EFCAB8: variants seen among roughly 807,000 people sequenced by gnomAD.
EFCAB8 encodes EF-hand calcium-binding domain-containing protein 8.
EFCAB8 carries 100 observed loss-of-function variants against 116.3 expected under a neutral mutation model. The ratio of observed to expected loss-of-function variants is 0.86; its 90% confidence interval spans 0.73 to 1.02. EFCAB8 has a LOEUF of 1.02. Among genes scored for constraint, EFCAB8 ranks in the 50% least tolerant of loss-of-function variants. EFCAB8 has a pLI of 0.00. For synonymous variants in EFCAB8, 558 were observed against 567.9 expected (o/e 0.98, Z 0.25); for missense variants, 1,320 against 1,416.9 (o/e 0.93, Z 1.10).
At chr20:32,934,149 T>C (rs1055867512) in intron 22 of EFCAB8, among the ~76,000 whole-genome samples, 1 of 152,172 alleles carries the variant, frequency 6.6e-6, no homozygotes, top group Non-Finnish European at 1.5e-5. Flanking sequence ...CAGCCCTTTC[T>C]ACTTCTATGA....
chr20:32,895,089 C>T (rs545331761), intron 9 of EFCAB8, among the ~76,000 whole-genome samples: 13 of 152,306 alleles, frequency 8.5e-5, no homozygotes, highest in African/African-American at 3.1e-4. Context: ...CTAGACTGCC[C>T]CAGCATTTGT....
Position 32,864,222 on chromosome 20 carries a change from G to A in EFCAB8, c.42+388G>A, listed in dbSNP as rs1274201256. Among the ~76,000 whole-genome samples, 7 of 150,894 alleles carry A rather than the reference G, an allele frequency of 4.6e-5. No individual in the cohort carries two copies. The South Asian group carries it at 1.1e-3, about 23-fold the overall frequency. On this transcript the variant is annotated intron_variant, in intron 2 of 26. Coordinates refer to ENST00000400522, the MANE Select transcript of EFCAB8 (RefSeq NM_001143967.2). ...AAACTCCTGACCTCATGATCTGCCC[G>A]CCTCAGCCTCCCAAAGTGCTGGGAC...
rs566497398 is a variant in EFCAB8 at position 32,905,705 on chromosome 20, A to C, written c.1089-857A>C. ...AACCTGGGAGGTGGAGGTTGCAGTGAGCCAAGATCGCACCACTGCACTCCA... is the reference window on the plus strand; with the variant it reads ...AACCTGGGAGGTGGAGGTTGCAGTGCGCCAAGATCGCACCACTGCACTCCA... On this transcript the variant is annotated intron_variant, in intron 11 of 26. Coordinates refer to ENST00000400522, the MANE Select transcript of EFCAB8 (RefSeq NM_001143967.2). 2.2e-4 allele frequency among the ~76,000 whole-genome samples: 31 copies of C among 144,168 alleles called. 2 individuals carry two copies. The East Asian group carries it at 5.3e-3, about 25-fold the overall frequency. 94.6% of individuals were successfully genotyped at this position (144,168 alleles called of 152,430 possible). A position where few individuals can be genotyped will look rare whatever the true frequency, so the allele number is the denominator to read the frequency against.
chr20:32,860,706 A>T (rs558467494), intron 1 of EFCAB8, among the ~76,000 whole-genome samples: 1 of 151,746 alleles, frequency 6.6e-6, no homozygotes, highest in African/African-American at 2.4e-5. Context: ...TTGGCATCAT[A>T]GTGTGCACCC....
At chr20:32,902,891 G>A (rs995214123) in intron 11 of EFCAB8, among the ~76,000 whole-genome samples, 1 of 152,176 alleles carries the variant, frequency 6.6e-6, no homozygotes, top group Non-Finnish European at 1.5e-5. Flanking sequence ...TGTGGTAGCA[G>A]GAGCCGGTGC....
intron 9 of EFCAB8, among the ~76,000 whole-genome samples, chr20:32,896,045 T>C (rs1986144214): frequency 6.6e-6 from 1 of 152,206 alleles, no homozygotes; most frequent in Non-Finnish European, 1.5e-5. Context: ...TGCATGTAGT[T>C]TGAGGCATGA....
chr20:32,934,897 G>A (rs1988043142), intron 22 of EFCAB8, among the ~76,000 whole-genome samples: 2 of 152,112 alleles, frequency 1.3e-5, no homozygotes, highest in Admixed American at 1.3e-4. Context: ...TTAGCAGCAT[G>A]AGAACAGACC....
At chr20:32,916,777 T>TG (rs1412089096) in intron 17 of EFCAB8, among the ~76,000 whole-genome samples, 1 of 152,104 alleles carries the variant, frequency 6.6e-6, no homozygotes, top group Non-Finnish European at 1.5e-5. Flanking sequence ...TTCAGTGCTG[T>TG]GAAAAAAAAG....
At chr20:32,950,001 AAAAC>A (rs141786896) in intron 23 of EFCAB8, among the ~76,000 whole-genome samples, 1 of 151,070 alleles carries the variant, frequency 6.6e-6, no homozygotes, top group African/African-American at 2.5e-5. Flanking sequence ...CTCTGTCTCA[AAAAC>A]AAACAAAACA....
chr20:32,893,448 C>T (rs977939715), intron 9 of EFCAB8, 150 bp downstream of exon 9: 6 of 1,203,576 alleles, frequency 5.0e-6, no homozygotes, highest in Non-Finnish European at 6.9e-6. Flanking sequence ...GTGCATGCCG[C>T]TCAGCTCAGC....
chr20:32,863,672 C>A, intron 1 of EFCAB8, 111 bp from the exon 2 acceptor site: 1 of 1,028,220 alleles, frequency 9.7e-7, no homozygotes, highest in Non-Finnish European at 1.4e-6. Flanking sequence ...GGAAGCCACC[C>A]TCTCCCTTGA....
chr20:32,961,777 C>T lies in EFCAB8; in HGVS notation c.*168C>T, dbSNP rs1989164375. Among the ~76,000 whole-genome samples the T allele has an allele frequency of 6.6e-6, 1 of 152,358 alleles. No individual in the cohort carries two copies. Among genetic ancestry groups the T allele is most frequent in the South Asian group, 2.1e-4 (1 of 4,834 alleles). On this transcript the variant is annotated 3_prime_UTR_variant, in exon 27 of 27. Transcript: ENST00000400522. The stretch of plus-strand genomic sequence containing the variant: ...CCTGTCTCCTAATCTTGTCTTCTCT[C>T]TGGCCCCGCACAGAGCCCTGGGGCA...
rs750793047 is a variant in EFCAB8 at position 32,939,161 on chromosome 20, TTC to T, written c.2791-4473_2791-4472del. On this transcript the variant is annotated intron_variant, in intron 22 of 26. Transcript: ENST00000400522. ...TTTCTTTCTTTCTTTCTTTCTTTCT[TTC>T]TTTCTTTCTTTCTTTCTTTCTTTCT... is the stretch of plus-strand genomic sequence containing the variant. Among the ~76,000 whole-genome samples the T allele has an allele frequency of 3.4e-4, 32 of 94,302 alleles. 2 individuals are homozygous for T. In the East Asian group the frequency reaches 4.3e-3, roughly 13 times the overall value. 61.9% of individuals were successfully genotyped at this position (94,302 alleles called of 152,430 possible).
chr20:32,890,576 A>G (rs1276211958), intron 7 of EFCAB8, among the ~76,000 whole-genome samples: 2 of 152,266 alleles, frequency 1.3e-5, no homozygotes, highest in East Asian at 3.9e-4. Flanking sequence ...TATTGAATGG[A>G]TGGATGATGA....
chr20:32,862,982 G>C (rs1984191451), intron 1 of EFCAB8, among the ~76,000 whole-genome samples: 3 of 150,936 alleles, frequency 2.0e-5, no homozygotes, highest in Admixed American at 6.7e-5. Flanking sequence ...TGTCTGGCCA[G>C]GTATTCAAGA....
intron 5 of EFCAB8, among the ~76,000 whole-genome samples, chr20:32,883,094 G>A (rs1985424213): frequency 6.6e-6 from 1 of 152,104 alleles, no homozygotes; most frequent in Admixed American, 6.5e-5. Flanking sequence ...GCCTCCCAAA[G>A]TGCTGGTATT....
intron 3 of EFCAB8, among the ~76,000 whole-genome samples, chr20:32,872,611 T>A (rs1412730919): frequency 6.6e-6 from 1 of 151,810 alleles, no homozygotes; most frequent in Non-Finnish European, 1.5e-5. Flanking sequence ...CTGGCCAACA[T>A]GGTGAAACCC....
At chr20:32,915,114 G>C (rs1183582506) in intron 17 of EFCAB8, among the ~76,000 whole-genome samples, 3 of 152,088 alleles carry the variant, frequency 2.0e-5, no homozygotes, top group Non-Finnish European at 4.4e-5. Context: ...TGTTGCCCAG[G>C]CTGGTCTTAA....
intron 4 of EFCAB8, among the ~76,000 whole-genome samples, chr20:32,876,707 C>T (rs1386958097): frequency 1.3e-5 from 2 of 152,150 alleles, no homozygotes; most frequent in Non-Finnish European, 2.9e-5. Context: ...TGGCTCATGC[C>T]TGTAATCCTA....
Sources: allele counts gnomAD v4.1 joint callset (sites outside exome capture counted in the v4.1 genomes callset), GRCh38; gene constraint gnomAD v4.1.1; transcripts MANE v1.5; gene names NCBI Gene and HGNC (gene_info 2026-07-23, HGNC 2026-07-21).